The following OTUD7A variants were observed in gnomAD, a reference collection of about 807,000 sequenced individuals.
The protein encoded by OTUD7A is OTU domain-containing protein 7A.
In OTUD7A, 12 loss-of-function variants were observed where a neutral mutation model predicts 65.7. The observed-to-expected ratio is 0.18, with a 90% CI of 0.12 to 0.30. The LOEUF is 0.30. Ranked by LOEUF, OTUD7A falls within the 10% of genes least tolerant of loss-of-function variation. The pLI, the probability that OTUD7A is intolerant of heterozygous loss-of-function variation, is 1.00. For synonymous variants in OTUD7A, 641 were observed against 586.3 expected, an observed-to-expected ratio of 1.09 and a Z score of -1.35; for missense variants, 1,148 against 1,304.8, an observed-to-expected ratio of 0.88 and a Z score of 1.85.
At chr15:31,688,665 G>A (rs8036800) in intron 1 of OTUD7A, among the ~76,000 whole-genome samples, 36,015 of 152,082 alleles carry the variant, frequency 0.24, 4,604 homozygotes, top group African/African-American at 0.32. Context: ...GAAGGTAGCT[G>A]TGTACTTAGG....
At chr15:31,594,652 T>C (rs2141203161) in intron 3 of OTUD7A, among the ~76,000 whole-genome samples, 1 of 152,316 alleles carries the variant, frequency 6.6e-6, no homozygotes, top group South Asian at 2.1e-4. Flanking sequence ...TCCTGCTTGT[T>C]CAGATTCAAT....
chr15:31,526,387 C>T lies in OTUD7A; in HGVS notation c.855G>A (p.Pro285=), dbSNP rs778702255. The T allele has an allele frequency of 1.6e-5, 26 of 1,601,606 alleles. No homozygotes were observed. Among genetic ancestry groups the T allele is most frequent in the East Asian group, 4.5e-5 (2 of 44,764 alleles). ...TELLKLASSE[P]RTHFSKNGGT... is the part of the protein sequence containing the mutation. ...CGCCATTCTTGCTGAAGTGTGTGCG[C>T]GGCTCGCTGGAGGCCAGCTTCAGCA... The change falls in exon 8 of 13, where the codon CCG becomes CCA. Residue 285 remains proline (P), a synonymous_variant. Transcript: ENST00000307050.
At chr15:31,799,234 C>T in intron 1 of OTUD7A, among the ~76,000 whole-genome samples, 1 of 152,192 alleles carries the variant, frequency 6.6e-6, no homozygotes, top group East Asian at 1.9e-4. Flanking sequence ...ATGGAGATGG[C>T]TGCGTCTCCT....
At position 31,632,969 on chromosome 15, in the gene OTUD7A, G is replaced by A. The variant is rs1414363936; in HGVS notation, c.151+22127C>T. Among the ~76,000 whole-genome samples the A allele has an allele frequency of 1.3e-5, 2 of 152,202 alleles. 1 individual carries two copies. Among genetic ancestry groups the A allele is most frequent in the Admixed American group, 1.3e-4 (2 of 15,286 alleles). On this transcript the variant is annotated intron_variant, in intron 3 of 12. Coordinates refer to ENST00000307050, the MANE Select transcript of OTUD7A (RefSeq NM_001382637.1). ...TGGTGTGCCGTTTTTTAAGCCCGTT[G>A]GAAAAGCACAGTATTCAGGTTGGAG...
intron 1 of OTUD7A, among the ~76,000 whole-genome samples, chr15:31,785,612 C>T (rs897027037): frequency 5.9e-5 from 9 of 152,156 alleles, no homozygotes; most frequent in Non-Finnish European, 1.3e-4. Context: ...AAACTTGATG[C>T]CTTCCATGAT....
intron 8 of OTUD7A, among the ~76,000 whole-genome samples, chr15:31,504,338 G>A (rs1418486885): frequency 6.6e-6 from 1 of 152,100 alleles, no homozygotes; most frequent in African/African-American, 2.4e-5. Context: ...AAGGCTGTCT[G>A]GATTTCAATC....
intron 1 of OTUD7A, among the ~76,000 whole-genome samples, chr15:31,688,117 G>C (rs970295561): frequency 6.6e-5 from 10 of 151,824 alleles, no homozygotes; most frequent in African/African-American, 2.4e-4. Flanking sequence ...TCGGGAGGCT[G>C]AGACAGGAGA....
At chr15:31,496,894 T>C (rs944778003) in intron 10 of OTUD7A, among the ~76,000 whole-genome samples, 2 of 152,142 alleles carry the variant, frequency 1.3e-5, no homozygotes, top group African/African-American at 4.8e-5. Context: ...GGTAAGCTGC[T>C]CTTTGCAAAA....
chr15:31,733,592 A>G (rs1183404392), intron 1 of OTUD7A, among the ~76,000 whole-genome samples: 5 of 152,190 alleles, frequency 3.3e-5, no homozygotes, highest in Admixed American at 1.3e-4. Context: ...CCGTGGCTCT[A>G]TCAGGGAACA....
At chr15:31,667,630 T>C (rs780155602) in intron 1 of OTUD7A, among the ~76,000 whole-genome samples, 3 of 152,240 alleles carry the variant, frequency 2.0e-5, no homozygotes, top group Non-Finnish European at 4.4e-5. Flanking sequence ...TTACATTCAA[T>C]GTTATTATTG....
intron 8 of OTUD7A, among the ~76,000 whole-genome samples, chr15:31,512,325 C>T (rs1472616360): frequency 6.6e-6 from 1 of 152,104 alleles, no homozygotes; most frequent in Non-Finnish European, 1.5e-5. Context: ...GAGCACGCTC[C>T]CTTATGAGGA....
At chr15:31,612,779 A>G (rs987212275) in intron 3 of OTUD7A, among the ~76,000 whole-genome samples, 2 of 152,232 alleles carry the variant, frequency 1.3e-5, no homozygotes, top group African/African-American at 4.8e-5. Flanking sequence ...TTCTTCACAG[A>G]ATTAGAAAAA....
intron 3 of OTUD7A, among the ~76,000 whole-genome samples, chr15:31,594,085 A>G (rs966566343): frequency 3.9e-5 from 6 of 152,228 alleles, no homozygotes; most frequent in African/African-American, 9.6e-5. Context: ...AGGAATTGAA[A>G]TACTGATTTT....
At chr15:31,563,190 G>T (rs1352765768) in intron 4 of OTUD7A, among the ~76,000 whole-genome samples, 1 of 152,136 alleles carries the variant, frequency 6.6e-6, no homozygotes, top group Non-Finnish European at 1.5e-5. Context: ...TGTACCAGGA[G>T]GATAAGATAA....
At chr15:31,747,573 A>G (rs1415507786) in intron 1 of OTUD7A, among the ~76,000 whole-genome samples, 1 of 152,216 alleles carries the variant, frequency 6.6e-6, no homozygotes, top group Non-Finnish European at 1.5e-5. Flanking sequence ...CTACTGGGTA[A>G]AATAAGATCC....
At chr15:31,609,442 C>A (rs767223501) in intron 3 of OTUD7A, among the ~76,000 whole-genome samples, 9 of 152,120 alleles carry the variant, frequency 5.9e-5, no homozygotes, top group Non-Finnish European at 1.3e-4. Context: ...CCTGTGACTA[C>A]CGAATTGCCC....
intron 5 of OTUD7A, among the ~76,000 whole-genome samples, chr15:31,551,266 G>A (rs1020800907): frequency 3.9e-5 from 6 of 152,172 alleles, no homozygotes; most frequent in Admixed American, 1.3e-4. Context: ...TGTGGTGCCC[G>A]AGATAAAGGT....
chr15:31,724,000 T>C (rs1595728386), intron 1 of OTUD7A, among the ~76,000 whole-genome samples: 2 of 135,556 alleles, frequency 1.5e-5, no homozygotes, highest in African/African-American at 5.6e-5. Context: ...AGTTTTGTTG[T>C]TGTTGTTAAT....
chr15:31,542,368 A>G (rs1379387879), intron 5 of OTUD7A, among the ~76,000 whole-genome samples: 1 of 152,146 alleles, frequency 6.6e-6, no homozygotes, highest in African/African-American at 2.4e-5. Context: ...AGAACTTAAA[A>G]TGAAAGATAT....
Sources: allele counts gnomAD v4.1 joint callset (sites outside exome capture counted in the v4.1 genomes callset), GRCh38; gene constraint gnomAD v4.1.1; transcripts MANE v1.5; gene names NCBI Gene and HGNC (gene_info 2026-07-23, HGNC 2026-07-21).